CAPRIN1: variants seen among roughly 807,000 people sequenced by gnomAD.
CAPRIN1 encodes the protein cell cycle associated protein 1, also known as caprin-1.
CAPRIN1 carries 29 observed loss-of-function variants against 100.9 expected under a neutral mutation model. The ratio of observed to expected loss-of-function variants is 0.29; its 90% CI spans 0.21 to 0.39. The LOEUF is 0.39. Among genes scored for constraint, CAPRIN1 ranks in the 10% least tolerant of loss-of-function variants. The pLI is 1.00. For missense variants in CAPRIN1, 795 were observed against 876.7 expected, an observed-to-expected ratio of 0.91 and a Z score of 1.18; for synonymous variants, 338 against 307.5, an observed-to-expected ratio of 1.10 and a Z score of -1.04.
chr11:34,102,468 A>G lies in CAPRIN1; in HGVS notation c.*3101A>G. ...TTGATCTTGTCCTTTTTATGGAGTT[A>G]ACGGGGAGGAAGACCCCTCAGGAAA... is the stretch of plus-strand genomic sequence containing the variant. On this transcript the variant is annotated 3_prime_UTR_variant, in exon 19 of 19. Transcript: ENST00000341394. Among the ~76,000 whole-genome samples, 1 of 152,224 alleles carries G rather than the reference A, an allele frequency of 6.6e-6. No individual in the cohort carries two copies. Among genetic ancestry groups the G allele is most frequent in the Non-Finnish European group, 1.5e-5 (1 of 68,038 alleles).
In CAPRIN1 at chr11:34,081,825, CAG is replaced by C. The variant is rs201009282; in HGVS notation, c.827-999_827-998del. Among the ~76,000 whole-genome samples, 1,483 of 151,282 alleles carry C rather than the reference CAG, an allele frequency of 9.8e-3. 17 individuals carry two copies. The highest frequency in any genetic ancestry group is 0.041 in the Middle Eastern group (12 of 292). ...AAGTTGAATTCTTTTTTGTGGGGGA[CAG>C]GGGGCACTGAGTCTCACTCTGTCAC... On this transcript the variant is annotated intron_variant, in intron 7 of 18. Coordinates refer to ENST00000341394, the MANE Select transcript of CAPRIN1 (RefSeq NM_005898.5).
chr11:34,063,821 A>G (rs1187352403), intron 2 of CAPRIN1, among the ~76,000 whole-genome samples: 1 of 151,862 alleles, frequency 6.6e-6, no homozygotes, highest in Non-Finnish European at 1.5e-5. Context: ...TTTTTTTGAG[A>G]TGGAGTTTCG....
rs1461981444 is a variant in CAPRIN1 at position 34,102,410 on chromosome 11, T to A, written c.*3043T>A. ...TTAAGCATTCTAAATTTTAGTTGAT[T>A]ATAAGTTAGATTTCACAGAATCAGT... On this transcript the variant is annotated 3_prime_UTR_variant, in exon 19 of 19. Transcript: ENST00000341394. 3.3e-5 allele frequency among the ~76,000 whole-genome samples: 5 copies of A among 152,224 alleles called. No individual in the cohort carries two copies. The highest frequency in any genetic ancestry group is 7.3e-5 in the Non-Finnish European group (5 of 68,028).
intron 15 of CAPRIN1, among the ~76,000 whole-genome samples, chr11:34,093,976 A>G (rs1014599058): frequency 5.9e-5 from 9 of 152,098 alleles, no homozygotes; most frequent in African/African-American, 2.2e-4. Flanking sequence ...TTTTTTAAAA[A>G]AAGTTCATTT....
chr11:34,055,707 G>C (rs1202791714), intron 2 of CAPRIN1: 1 of 152,168 alleles, frequency 6.6e-6, no homozygotes, highest in African/African-American at 2.4e-5. Flanking sequence ...AAAGATTGCC[G>C]TGTTAATAAT....
At chr11:34,096,770 T>A in intron 16 of CAPRIN1, 97 bp downstream of exon 16, 1 of 841,492 alleles carries the variant, frequency 1.2e-6, no homozygotes. Flanking sequence ...GAAGGATGTA[T>A]CTGCATTAGC....
Position 34,097,114 on chromosome 11 carries a change from T to G in CAPRIN1, c.1901-82T>G, listed in dbSNP as rs190413259. 1,610 of 924,102 alleles carry G rather than the reference T, an allele frequency of 1.7e-3. 8 individuals carry two copies. The highest frequency in any genetic ancestry group is 9.8e-4 in the Non-Finnish European group (558 of 569,564). The allele number at this position is 924,102 out of a possible 1,614,324, so 57.2% of individuals were successfully genotyped here. On this transcript the variant is annotated intron_variant, in intron 16 of 18. Coordinates refer to ENST00000341394, the MANE Select transcript of CAPRIN1 (RefSeq NM_005898.5). ...AACTAGCCTGGCTTATAATTTCTAGTTCTTCCCGTCTTCATTAATAAAAAA... is the reference window on the plus strand; with the variant it reads ...AACTAGCCTGGCTTATAATTTCTAGGTCTTCCCGTCTTCATTAATAAAAAA...
At chr11:34,053,082 G>T in intron 2 of CAPRIN1, 1 of 1,025,732 alleles carries the variant, frequency 9.7e-7, no homozygotes, top group Non-Finnish European at 1.2e-6. Context: ...GGGGCGGCCT[G>T]CGTCCTGCAG....
chr11:34,089,517 A>T, intron 12 of CAPRIN1, 61 bp downstream of exon 12: 1 of 980,978 alleles, frequency 1.0e-6, no homozygotes, highest in Non-Finnish European at 1.6e-6. Context: ...CTATAATCCT[A>T]GTACTTTAGG....
chr11:34,090,027 A>G (rs2134130178), intron 12 of CAPRIN1, 152 bp from the exon 13 acceptor site: 2 of 472,004 alleles, frequency 4.2e-6, no homozygotes, highest in South Asian at 3.6e-5. Flanking sequence ...GTTTTATATT[A>G]TACAAATTTA....
chr11:34,083,163 C>A, intron 9 of CAPRIN1, 122 bp downstream of exon 9: 1 of 674,372 alleles, frequency 1.5e-6, no homozygotes, highest in African/African-American at 1.8e-5. Flanking sequence ...ATAACAGACT[C>A]ATTACACCAG....
intron 16 of CAPRIN1, among the ~76,000 whole-genome samples, 161 bp from the exon 17 acceptor site, chr11:34,097,035 C>G (rs185119949): frequency 6.6e-6 from 1 of 151,974 alleles, no homozygotes; most frequent in South Asian, 2.1e-4. Context: ...TTAGTACTTA[C>G]AGAAATTTAT....
chr11:34,052,219 C>G (rs539556027), intron 1 of CAPRIN1: 2,625 of 190,554 alleles, frequency 0.014, 72 homozygotes, highest in African/African-American at 0.061. Context: ...GGTGCGAGGC[C>G]CAGCCGGGCG....
intron 17 of CAPRIN1, among the ~76,000 whole-genome samples, 160 bp from the exon 18 acceptor site, chr11:34,097,538 A>G (rs1221106688): frequency 4.6e-5 from 7 of 152,248 alleles, no homozygotes; most frequent in Non-Finnish European, 4.4e-5. Flanking sequence ...AGAATAGTAG[A>G]AGTACAACAA....
chr11:34,080,939 T>A (rs558188187), intron 7 of CAPRIN1, among the ~76,000 whole-genome samples: 3 of 152,232 alleles, frequency 2.0e-5, no homozygotes, highest in Non-Finnish European at 2.9e-5. Flanking sequence ...CTTACCACTT[T>A]ACTAAGTAAA....
rs764948341 is a variant in CAPRIN1, at chr11:34,076,608, G to A, written c.654G>A (p.Leu218=). 2 of 1,613,852 alleles carry A rather than the reference G, an allele frequency of 1.2e-6. No individual in the cohort carries two copies. Among genetic ancestry groups the A allele is most frequent in the Non-Finnish European group, 1.7e-6 (2 of 1,179,792 alleles). ...CCTCCATTCACCTGTGGGACCTGCT[G>A]GAAGGGAAGGAAAAACCTGTATGTG... is the stretch of plus-strand genomic sequence containing the variant. ...EHASIHLWDL[L]EGKEKPVCGT... The change falls in exon 6 of 19, where the codon CTG becomes CTA. Residue 218 remains leucine (L), a synonymous_variant. Transcript: ENST00000341394.
intron 7 of CAPRIN1, among the ~76,000 whole-genome samples, chr11:34,081,181 A>G (rs1851020956): frequency 6.6e-6 from 1 of 151,968 alleles, no homozygotes; most frequent in Non-Finnish European, 1.5e-5. Flanking sequence ...CAAACTATTT[A>G]CTTATTTGGA....
At chr11:34,096,436 A>G in intron 15 of CAPRIN1, 43 bp from the exon 16 acceptor site, 2 of 1,450,636 alleles carry the variant, frequency 1.4e-6, no homozygotes, top group Non-Finnish European at 1.9e-6. Flanking sequence ...ACAAACGGTA[A>G]TGAGCTGTTT....
chr11:34,068,941 A>G (rs1850754244), intron 2 of CAPRIN1, among the ~76,000 whole-genome samples: 1 of 152,192 alleles, frequency 6.6e-6, no homozygotes, highest in African/African-American at 2.4e-5. Context: ...TGAAAAATGT[A>G]CAATACTATA....
Sources: allele counts gnomAD v4.1 joint callset (sites outside exome capture counted in the v4.1 genomes callset), GRCh38; gene constraint gnomAD v4.1.1; transcripts MANE v1.5; gene names NCBI Gene and HGNC (gene_info 2026-07-23, HGNC 2026-07-21).